PLD5: variants seen among roughly 807,000 people sequenced by gnomAD.
The protein encoded by PLD5 is inactive phospholipase D5.
In PLD5, 36 loss-of-function variants were observed where a neutral mutation model predicts 61.1. The observed-to-expected ratio is 0.59, with a 90% confidence interval of 0.45 to 0.78. The LOEUF is 0.78. PLD5 is among the 30% of genes least tolerant of loss of function. The probability of loss-of-function intolerance (pLI) is 0.00; values close to 1 mark genes in which losing one functional copy is unlikely to be tolerated. For synonymous variants in PLD5, 243 were observed against 242.8 expected (o/e 1.00, Z -0.01); for missense variants, 515 against 644.4 (o/e 0.80, Z 2.17).
chr1:242,493,686 A>G (rs2809979), intron 1 of PLD5, among the ~76,000 whole-genome samples: 110,637 of 151,968 alleles, frequency 0.73, 41,419 homozygotes, highest in African/African-American at 0.91. Context: ...GGGACTCAGA[A>G]CTCACTACTC....
At chr1:242,461,912 G>C (rs1667130963) in intron 1 of PLD5, among the ~76,000 whole-genome samples, 1 of 151,868 alleles carries the variant, frequency 6.6e-6, no homozygotes, top group African/African-American at 2.4e-5. Context: ...ATTTTTAGTG[G>C]GTTTATTTGT....
At chr1:242,349,031 G>A (rs1221750896) in intron 1 of PLD5, among the ~76,000 whole-genome samples, 1 of 152,152 alleles carries the variant, frequency 6.6e-6, no homozygotes, top group East Asian at 1.9e-4. Flanking sequence ...TCCAGCCTGG[G>A]TGACAGAGCG....
chr1:242,214,691 G>A (rs1387308406), intron 5 of PLD5, among the ~76,000 whole-genome samples: 1 of 151,988 alleles, frequency 6.6e-6, no homozygotes, highest in African/African-American at 2.4e-5. Flanking sequence ...TCACAGGCAC[G>A]TCCCCTCCTT....
chr1:242,528,043 G>A (rs1669485252), upstream of PLD5, among the ~76,000 whole-genome samples: 1 of 152,154 alleles, frequency 6.6e-6, no homozygotes, highest in African/African-American at 2.4e-5. Context: ...ATAAACTATG[G>A]TGAATAAATG....
chr1:242,440,781 T>G (rs899621825), intron 1 of PLD5, among the ~76,000 whole-genome samples: 3 of 152,132 alleles, frequency 2.0e-5, no homozygotes, highest in Admixed American at 2.0e-4. Flanking sequence ...AACACTATGT[T>G]TTTTCTGAAA....
At chr1:242,207,758 T>TTATATATATTTATATATATTTATA (rs1553324748) in intron 5 of PLD5, among the ~76,000 whole-genome samples, 3 of 55,392 alleles carry the variant, frequency 5.4e-5, no homozygotes, top group Non-Finnish European at 9.6e-5. Context: ...TTATATATAT[T>TTATATATATTTATATATATTTATA]TATATTTATA....
intron 3 of PLD5, among the ~76,000 whole-genome samples, chr1:242,268,319 G>T (rs1253502810): frequency 6.6e-6 from 1 of 152,096 alleles, no homozygotes; most frequent in Non-Finnish European, 1.5e-5. Flanking sequence ...GTTCCGTAAG[G>T]CCCCATGGTC....
At chr1:242,419,386 G>GTTTTT (rs58320205) in intron 1 of PLD5, among the ~76,000 whole-genome samples, 5 of 96,504 alleles carry the variant, frequency 5.2e-5, no homozygotes, top group Non-Finnish European at 1.0e-4. Flanking sequence ...CCTGATTTTT[G>GTTTTT]TTTTTTTTTT....
At chr1:242,158,930 T>C (rs971553419) in intron 5 of PLD5, among the ~76,000 whole-genome samples, 3 of 152,220 alleles carry the variant, frequency 2.0e-5, no homozygotes, top group African/African-American at 7.2e-5. Flanking sequence ...TTCCATTTAA[T>C]CCTTTCTCAT....
At chr1:242,174,784 C>T (rs1329189051) in intron 5 of PLD5, among the ~76,000 whole-genome samples, 1 of 151,862 alleles carries the variant, frequency 6.6e-6, no homozygotes, top group East Asian at 1.9e-4. Flanking sequence ...TCATTCTCAG[C>T]AAACTATCAC....
At chr1:242,392,308 A>G (rs569259649) in intron 1 of PLD5, among the ~76,000 whole-genome samples, 4 of 152,276 alleles carry the variant, frequency 2.6e-5, no homozygotes, top group South Asian at 4.1e-4. Flanking sequence ...ATGGAGTACT[A>G]CGTTCACTAC....
intron 1 of PLD5, among the ~76,000 whole-genome samples, chr1:242,519,801 A>C (rs950484465): frequency 3.3e-5 from 5 of 152,202 alleles, no homozygotes; most frequent in African/African-American, 1.2e-4. Flanking sequence ...GGCCCAAGAC[A>C]GTGAGCCAGC....
At chr1:242,390,923 T>G (rs538640070) in intron 1 of PLD5, among the ~76,000 whole-genome samples, 1 of 152,252 alleles carries the variant, frequency 6.6e-6, no homozygotes, top group Non-Finnish European at 1.5e-5. Context: ...CCAAGTGCGG[T>G]GGCTCACACC....
intron 5 of PLD5, among the ~76,000 whole-genome samples, chr1:242,136,693 C>T (rs1384192091): frequency 6.6e-6 from 1 of 152,216 alleles, no homozygotes; most frequent in Non-Finnish European, 1.5e-5. Context: ...TCCAACCAAC[C>T]TCTCTTTCAA....
intron 3 of PLD5, among the ~76,000 whole-genome samples, chr1:242,269,374 C>G (rs1185124347): frequency 6.6e-6 from 1 of 151,486 alleles, no homozygotes; most frequent in Non-Finnish European, 1.5e-5. Flanking sequence ...GGAAGCTGTA[C>G]CCCCAAAATA....
chr1:242,155,553 T>G (rs1266792081), intron 5 of PLD5, among the ~76,000 whole-genome samples: 2 of 152,198 alleles, frequency 1.3e-5, no homozygotes, highest in East Asian at 3.9e-4. Flanking sequence ...CATTGTGTCT[T>G]TGTTCTCATT....
chr1:242,483,597 C>T (rs1424414010), intron 1 of PLD5, among the ~76,000 whole-genome samples: 1 of 152,158 alleles, frequency 6.6e-6, no homozygotes, highest in African/African-American at 2.4e-5. Context: ...TAGACTCCCA[C>T]ACAGTAATAA....
chr1:242,529,011 T>A (rs532518860), upstream of PLD5, among the ~76,000 whole-genome samples: 2 of 152,318 alleles, frequency 1.3e-5, no homozygotes, highest in South Asian at 2.1e-4. Flanking sequence ...CAAGACCACA[T>A]AAAATCATTG....
intron 8 of PLD5, among the ~76,000 whole-genome samples, chr1:242,102,339 C>G (rs1180039117): frequency 6.6e-6 from 1 of 152,176 alleles, no homozygotes; most frequent in Non-Finnish European, 1.5e-5. Flanking sequence ...TCAAAGACGG[C>G]CCTTAAGAGG....
Sources: allele counts gnomAD v4.1 joint callset (sites outside exome capture counted in the v4.1 genomes callset), GRCh38; gene constraint gnomAD v4.1.1; transcripts MANE v1.5; gene names NCBI Gene and HGNC (gene_info 2026-07-23, HGNC 2026-07-21).